The following PPARGC1A variants were observed in gnomAD, a reference collection of about 807,000 sequenced individuals.
PPARGC1A encodes peroxisome proliferator-activated receptor gamma coactivator 1-alpha.
A neutral mutation model predicts 88.7 loss-of-function variants in PPARGC1A; 25 were observed. That is an observed-to-expected ratio of 0.28 (90% CI 0.21 to 0.39). The LOEUF (loss-of-function observed/expected upper bound fraction) is 0.39, where lower values mean the gene tolerates loss of function less well. Ranked by LOEUF, PPARGC1A falls within the 10% of genes least tolerant of loss-of-function variation. The probability of loss-of-function intolerance (pLI) is 1.00; values close to 1 mark genes in which losing one functional copy is unlikely to be tolerated. For missense variants in PPARGC1A, 880 were observed against 968.7 expected, an observed-to-expected ratio of 0.91 and a Z score of 1.22; for synonymous variants, 363 against 355.6, an observed-to-expected ratio of 1.02 and a Z score of -0.24.
chr4:24,401,104 C>T, the PPARGC1A span, among the ~76,000 whole-genome samples: 5 of 148,590 alleles, frequency 3.4e-5, no homozygotes, highest in South Asian at 6.5e-4. Context: ...CTTCAAGCTC[C>T]GCCTCCCGGG....
At chr4:24,295,471 G>T in the PPARGC1A span, among the ~76,000 whole-genome samples, 1 of 151,948 alleles carries the variant, frequency 6.6e-6, no homozygotes, top group African/African-American at 2.4e-5. Context: ...GGAGTTTGTG[G>T]GAAAACCATC....
At chr4:24,398,413 T>C in the PPARGC1A span, among the ~76,000 whole-genome samples, 3 of 152,256 alleles carry the variant, frequency 2.0e-5, no homozygotes, top group African/African-American at 7.2e-5. Context: ...ATTTTAATAA[T>C]TCTATTTTTA....
chr4:24,316,412 G>C, the PPARGC1A span, among the ~76,000 whole-genome samples: 1 of 152,180 alleles, frequency 6.6e-6, no homozygotes, highest in African/African-American at 2.4e-5. Flanking sequence ...GTTATTTAAT[G>C]AGCTGTTTGT....
chr4:24,292,100 G>T, the PPARGC1A span, among the ~76,000 whole-genome samples: 2,867 of 152,248 alleles, frequency 0.019, 42 homozygotes, highest in Middle Eastern at 0.088. Flanking sequence ...TGCTGTGGGA[G>T]ATTCAGCCAC....
chr4:24,424,258 C>CTTTTTTTTTTTTTTTTTTT, the PPARGC1A span, among the ~76,000 whole-genome samples: 2 of 44,346 alleles, frequency 4.5e-5, no homozygotes, highest in African/African-American at 9.9e-5. Flanking sequence ...TATACACACA[C>CTTTTTTTTTTTTTTTTTTT]TTTTTTTTTT....
the PPARGC1A span, among the ~76,000 whole-genome samples, chr4:24,299,879 G>C: frequency 6.6e-6 from 1 of 152,174 alleles, no homozygotes; most frequent in Non-Finnish European, 1.5e-5. Flanking sequence ...ATGTTCGTAT[G>C]TATATTCATT....
the PPARGC1A span, among the ~76,000 whole-genome samples, chr4:24,039,026 G>A: frequency 3.3e-5 from 5 of 152,036 alleles, no homozygotes; most frequent in African/African-American, 1.2e-4. Context: ...TGCATTTACT[G>A]GCCCACCATT....
chr4:24,058,906 T>C, the PPARGC1A span, among the ~76,000 whole-genome samples: 2 of 152,106 alleles, frequency 1.3e-5, no homozygotes, highest in East Asian at 1.9e-4. Flanking sequence ...GATCATGCCA[T>C]TGCACCCCAG....
chr4:23,917,924 T>C, the PPARGC1A span, among the ~76,000 whole-genome samples: 2 of 152,230 alleles, frequency 1.3e-5, no homozygotes, highest in African/African-American at 2.4e-5. Flanking sequence ...TGTTGTGACT[T>C]AGAGCAAATG....
At chr4:23,979,886 G>C in the PPARGC1A span, among the ~76,000 whole-genome samples, 4 of 152,092 alleles carry the variant, frequency 2.6e-5, no homozygotes, top group Non-Finnish European at 5.9e-5. Flanking sequence ...TCTGCTCAAC[G>C]CACCTGATCT....
the PPARGC1A span, among the ~76,000 whole-genome samples, chr4:24,263,225 C>T: frequency 2.0e-5 from 3 of 152,160 alleles, no homozygotes; most frequent in Admixed American, 1.3e-4. Flanking sequence ...TGTGGGGAGA[C>T]ACCCTGTAAG....
At chr4:24,317,555 T>TAAAA in the PPARGC1A span, among the ~76,000 whole-genome samples, 582 of 22,200 alleles carry the variant, frequency 0.026, 157 homozygotes, top group Non-Finnish European at 0.045. Context: ...TTCAGAGGAC[T>TAAAA]AAAAAAAAAA....
the PPARGC1A span, among the ~76,000 whole-genome samples, chr4:24,135,230 G>T: frequency 1.3e-5 from 2 of 152,274 alleles, no homozygotes; most frequent in Non-Finnish European, 2.9e-5. Context: ...GAATGCAGAG[G>T]TGTCTCTGTG....
At chr4:24,251,505 C>T in the PPARGC1A span, among the ~76,000 whole-genome samples, 1 of 152,200 alleles carries the variant, frequency 6.6e-6, no homozygotes, top group Non-Finnish European at 1.5e-5. Flanking sequence ...TAAACCAAAA[C>T]TAATAAACAC....
chr4:24,452,480 T>C, the PPARGC1A span, among the ~76,000 whole-genome samples: 1 of 152,204 alleles, frequency 6.6e-6, no homozygotes, highest in Admixed American at 6.5e-5. Flanking sequence ...AGTTATAATA[T>C]GACTTTGAAT....
At chr4:24,023,603 C>T in the PPARGC1A span, among the ~76,000 whole-genome samples, 2 of 152,298 alleles carry the variant, frequency 1.3e-5, no homozygotes, top group East Asian at 3.9e-4. Flanking sequence ...GTTTCATTTC[C>T]CTTTGACACT....
intron 2 of PPARGC1A, among the ~76,000 whole-genome samples, chr4:23,862,934 T>C (rs1482214774): frequency 6.6e-6 from 1 of 152,196 alleles, no homozygotes; most frequent in Non-Finnish European, 1.5e-5. Flanking sequence ...TTCCTTCCAA[T>C]AGCAGCCGCC....
chr4:24,387,872 GAA>G, the PPARGC1A span, among the ~76,000 whole-genome samples: 30 of 86,360 alleles, frequency 3.5e-4, no homozygotes, highest in Non-Finnish European at 5.4e-4. Context: ...GAGAAAGGAA[GAA>G]AGAGAAAGAA....
intron 2 of PPARGC1A, among the ~76,000 whole-genome samples, chr4:23,876,676 CAGA>C (rs1714748579): frequency 6.6e-6 from 1 of 151,880 alleles, no homozygotes; most frequent in African/African-American, 2.4e-5. Flanking sequence ...GGTTTCTGAG[CAGA>C]AGTTCAGAAA....
Sources: allele counts gnomAD v4.1 joint callset (sites outside exome capture counted in the v4.1 genomes callset), GRCh38; gene constraint gnomAD v4.1.1; transcripts MANE v1.5; gene names NCBI Gene and HGNC (gene_info 2026-07-23, HGNC 2026-07-21).